The following LNPK variants were observed in gnomAD, a reference collection of about 807,000 sequenced individuals.
LNPK encodes the protein lunapark, ER junction formation factor.
In LNPK, 29 loss-of-function variants were observed where a neutral mutation model predicts 55.2. The observed-to-expected ratio is 0.53, with a 90% CI of 0.39 to 0.72. The LOEUF is 0.72. LNPK is among the 30% of genes least tolerant of loss of function. The pLI is 0.00. For missense variants in LNPK, 467 were observed against 494.8 expected, an observed-to-expected ratio of 0.94 and a Z score of 0.53; for synonymous variants, 162 against 168.2, an observed-to-expected ratio of 0.96 and a Z score of 0.29.
At chr2:175,941,838 TAAAAAAAAAAAAC>T (rs1406190589) in intron 9 of LNPK, among the ~76,000 whole-genome samples, 1 of 80,950 alleles carries the variant, frequency 1.2e-5, no homozygotes, top group Non-Finnish European at 2.5e-5. Context: ...AGAGAAATCT[TAAAAAAAAAAAAC>T]AAAAAAAAAA....
intron 8 of LNPK, among the ~76,000 whole-genome samples, chr2:175,953,680 C>A (rs963834334): frequency 5.3e-5 from 8 of 151,314 alleles, no homozygotes; most frequent in African/African-American, 1.9e-4. Flanking sequence ...CTAGTACAGG[C>A]CTTTATCTTT....
At chr2:175,967,567 T>C (rs924242337) in intron 6 of LNPK, 1 of 845,416 alleles carries the variant, frequency 1.2e-6, no homozygotes, top group Non-Finnish European at 1.4e-6. Context: ...CTTTCTTTCA[T>C]TTCTTTCATT....
intron 9 of LNPK, among the ~76,000 whole-genome samples, chr2:175,942,501 T>C (rs1559032614): frequency 1.3e-5 from 2 of 152,090 alleles, no homozygotes; most frequent in Non-Finnish European, 2.9e-5. Context: ...TCTAACAAAA[T>C]AATTAAATTA....
chr2:175,937,231 T>TG, intron 12 of LNPK, 113 bp downstream of exon 12: 1 of 1,005,278 alleles, frequency 9.9e-7, no homozygotes, highest in African/African-American at 1.6e-5. Flanking sequence ...AGTTGACATA[T>TG]GCATGCAGCA....
At chr2:175,951,554 C>CT (rs1226923389) in intron 8 of LNPK, among the ~76,000 whole-genome samples, 3 of 127,082 alleles carry the variant, frequency 2.4e-5, no homozygotes, top group Admixed American at 8.3e-5. Flanking sequence ...TAATTCATTC[C>CT]TTTTTATGGC....
chr2:175,991,925 T>C (rs1386216070), intron 4 of LNPK, among the ~76,000 whole-genome samples: 1 of 152,184 alleles, frequency 6.6e-6, no homozygotes, highest in Non-Finnish European at 1.5e-5. Flanking sequence ...CCACTTGCCA[T>C]TACCCACTAC....
intron 11 of LNPK, 194 bp from the exon 12 acceptor site, chr2:175,937,708 A>C: frequency 4.7e-6 from 2 of 427,578 alleles, no homozygotes; most frequent in Non-Finnish European, 8.2e-6. Context: ...TTAGAATTTT[A>C]ATTTTTAAAA....
At chr2:175,996,116 C>T (rs1687923106) in intron 1 of LNPK, among the ~76,000 whole-genome samples, 1 of 152,006 alleles carries the variant, frequency 6.6e-6, no homozygotes, top group African/African-American at 2.4e-5. Flanking sequence ...CACCACCAAG[C>T]CCACCTTTTA....
At chr2:175,941,123 C>A (rs1472428953) in intron 9 of LNPK, 4 of 368,434 alleles carry the variant, frequency 1.1e-5, no homozygotes, top group South Asian at 8.1e-5. Flanking sequence ...TAGTGACATG[C>A]ACCTGTAGTC....
chr2:175,929,633 T>C lies in LNPK; in HGVS notation c.*334A>G. Reference sequence around the variant, plus strand: ...TTACTCTTAACCAAAGTTCTTCCTATGTCAAAATGGATATTTACGGGTTAT... The same window carrying C: ...TTACTCTTAACCAAAGTTCTTCCTACGTCAAAATGGATATTTACGGGTTAT... On this transcript the variant is annotated 3_prime_UTR_variant, in exon 13 of 13. Transcript: ENST00000272748. 9.6e-7 allele frequency: 1 copy of C among 1,040,310 alleles called. No individual in the cohort carries two copies. The highest frequency in any genetic ancestry group is 1.2e-6 in the Non-Finnish European group (1 of 865,450). 64.4% of individuals were successfully genotyped at this position (1,040,310 alleles called of 1,614,324 possible). A position where few individuals can be genotyped will look rare whatever the true frequency, so the allele number is the denominator to read the frequency against.
chr2:175,933,166 A>AT (rs1224152366), intron 12 of LNPK, among the ~76,000 whole-genome samples: 9 of 151,912 alleles, frequency 5.9e-5, no homozygotes, highest in African/African-American at 7.2e-5. Context: ...TATTATTATT[A>AT]TTTTGTTTTA....
At chr2:175,949,595 A>G (rs1224348062) in intron 8 of LNPK, among the ~76,000 whole-genome samples, 2 of 152,036 alleles carry the variant, frequency 1.3e-5, no homozygotes, top group East Asian at 1.9e-4. Context: ...CTAAATGTGC[A>G]TTTACCCAGT....
chr2:175,941,267 A>T (rs1021113855), intron 9 of LNPK, among the ~76,000 whole-genome samples: 1 of 144,088 alleles, frequency 6.9e-6, no homozygotes, highest in Admixed American at 7.0e-5. Flanking sequence ...AAGCAGCCTA[A>T]TATATTTATA....
chr2:175,963,520 A>G (rs1198032078), intron 8 of LNPK, among the ~76,000 whole-genome samples: 1 of 152,146 alleles, frequency 6.6e-6, no homozygotes, highest in Non-Finnish European at 1.5e-5. Context: ...ACACATGGAT[A>G]CAGGAAGAGG....
At chr2:175,958,658 C>T (rs1354303143) in intron 8 of LNPK, among the ~76,000 whole-genome samples, 1 of 152,172 alleles carries the variant, frequency 6.6e-6, no homozygotes, top group East Asian at 1.9e-4. Flanking sequence ...CAGAGCACCT[C>T]TTCTCTTCCG....
At chr2:175,975,955 G>T (rs1303288723) in intron 5 of LNPK, among the ~76,000 whole-genome samples, 4 of 152,220 alleles carry the variant, frequency 2.6e-5, no homozygotes, top group Admixed American at 1.3e-4. Context: ...GGATGTTGCA[G>T]TGACCTGAGA....
intron 6 of LNPK, 56 bp from the exon 7 acceptor site, chr2:175,964,645 G>A (rs979392827): frequency 5.5e-6 from 5 of 905,654 alleles, no homozygotes; most frequent in African/African-American, 4.9e-5. Context: ...CTACTTATTT[G>A]TATAAGTCCT....
chr2:175,938,107 A>C (rs1684640861), intron 11 of LNPK, among the ~76,000 whole-genome samples: 1 of 152,112 alleles, frequency 6.6e-6, no homozygotes, highest in African/African-American at 2.4e-5. Context: ...GGGGTTTGAG[A>C]ACAACTGGCC....
At chr2:175,958,052 C>T (rs1185205921) in intron 8 of LNPK, among the ~76,000 whole-genome samples, 1 of 152,204 alleles carries the variant, frequency 6.6e-6, no homozygotes, top group Admixed American at 6.5e-5. Flanking sequence ...AGCAAAGGGG[C>T]CAGGAAGCTC....
Sources: gnomAD v4.1 joint callset for allele counts (sites outside exome capture counted in the v4.1 genomes callset) on GRCh38, gnomAD v4.1.1 for gene constraint, MANE v1.5 for transcripts, NCBI Gene and HGNC (gene_info 2026-07-23, HGNC 2026-07-21) for gene names.